SHROOM3: variants seen among roughly 807,000 people sequenced by gnomAD.
SHROOM3 encodes the protein protein Shroom3.
In SHROOM3, 47 loss-of-function variants were observed where a neutral mutation model predicts 138.6. That is an observed-to-expected ratio of 0.34 (90% confidence interval 0.27 to 0.43). The LOEUF is 0.43. Among genes scored for constraint, SHROOM3 ranks in the 20% least tolerant of loss-of-function variants. The pLI is 1.00. For synonymous variants in SHROOM3, 1,062 were observed against 1,063.3 expected (o/e 1.00, Z 0.02); for missense variants, 2,491 against 2,596.5 (o/e 0.96, Z 0.88).
At chr4:76,551,913 G>C (rs1288860955) in intron 1 of SHROOM3, among the ~76,000 whole-genome samples, 1 of 151,398 alleles carries the variant, frequency 6.6e-6, no homozygotes, top group East Asian at 2.0e-4. Flanking sequence ...CCAGGCTGGA[G>C]TGCAGTGGTG....
intron 9 of SHROOM3, among the ~76,000 whole-genome samples, chr4:76,765,634 G>A (rs184199561): frequency 1.3e-5 from 2 of 152,140 alleles, no homozygotes; most frequent in African/African-American, 2.4e-5. Flanking sequence ...GTAGAGTGAC[G>A]TTACTGGCGA....
chr4:76,626,005 CTT>C (rs1355715281), intron 2 of SHROOM3, among the ~76,000 whole-genome samples: 1 of 152,166 alleles, frequency 6.6e-6, no homozygotes, highest in East Asian at 1.9e-4. Context: ...CTCTCCTTAA[CTT>C]TTCGTTTATT....
At chr4:76,709,124 T>C (rs1269937440) in intron 2 of SHROOM3, among the ~76,000 whole-genome samples, 1 of 152,226 alleles carries the variant, frequency 6.6e-6, no homozygotes, top group Admixed American at 6.5e-5. Flanking sequence ...TTCACTTCCG[T>C]TCTGTGTTCC....
At chr4:76,692,351 C>T (rs546739830) in intron 2 of SHROOM3, among the ~76,000 whole-genome samples, 10 of 152,302 alleles carry the variant, frequency 6.6e-5, no homozygotes, top group Non-Finnish European at 1.2e-4. Context: ...CAGGAACTGG[C>T]GATGGGTTCC....
chr4:76,748,205 G>A (rs546185137), intron 5 of SHROOM3, among the ~76,000 whole-genome samples: 1 of 152,122 alleles, frequency 6.6e-6, no homozygotes, highest in Non-Finnish European at 1.5e-5. Context: ...GAGGAACGGG[G>A]TGAAGAGCAG....
chr4:76,540,229 G>C (rs34860313), intron 1 of SHROOM3, among the ~76,000 whole-genome samples: 11,756 of 152,236 alleles, frequency 0.077, 624 homozygotes, highest in East Asian at 0.16. Flanking sequence ...ATCTTCAGCA[G>C]GAGGGAGGCA....
chr4:76,556,110 A>G (rs958790566), intron 2 of SHROOM3, among the ~76,000 whole-genome samples: 1 of 152,210 alleles, frequency 6.6e-6, no homozygotes, highest in Admixed American at 6.5e-5. Context: ...TGGTGGGACT[A>G]GAGAAAGAAA....
chr4:76,683,170 G>A (rs190680049), intron 2 of SHROOM3, among the ~76,000 whole-genome samples: 4 of 152,210 alleles, frequency 2.6e-5, no homozygotes, highest in African/African-American at 7.2e-5. Flanking sequence ...TACAGTCAAC[G>A]TAGTTTTGCT....
chr4:76,651,454 T>C (rs1056984554), intron 2 of SHROOM3, among the ~76,000 whole-genome samples: 1 of 108,780 alleles, frequency 9.2e-6, no homozygotes, highest in South Asian at 2.7e-4. Context: ...ATACCTACTA[T>C]GTACCCACAA....
Position 76,759,792 on chromosome 4 carries a change from G to A in SHROOM3, c.5349+97G>A, listed in dbSNP as rs73826431. 4.2e-3 allele frequency: 6,056 copies of A among 1,429,144 alleles called. 222 individuals carry two copies. In the African/African-American group the frequency reaches 0.073, roughly 17 times the overall value. The allele number at this position is 1,429,144 out of a possible 1,614,324, so 88.5% of individuals were successfully genotyped here. A position where few individuals can be genotyped will look rare whatever the true frequency, so the allele number is the denominator to read the frequency against. Reference sequence around the variant, plus strand: ...GTGACTGGGCCTCTTGAGGCAGGTGGGGAAAGGACCTGTCACATCACCAGA... The same window carrying A: ...GTGACTGGGCCTCTTGAGGCAGGTGAGGAAAGGACCTGTCACATCACCAGA... On this transcript the variant is annotated intron_variant, in intron 9 of 10. Coordinates refer to ENST00000296043, the MANE Select transcript of SHROOM3 (RefSeq NM_020859.4).
intron 7 of SHROOM3, among the ~76,000 whole-genome samples, chr4:76,755,587 G>T (rs886669056): frequency 3.9e-5 from 6 of 152,174 alleles, no homozygotes; most frequent in African/African-American, 1.4e-4. Context: ...GCTTCAGATT[G>T]TAAGTGGGTC....
chr4:76,445,656 C>T (rs1398363066), intron 1 of SHROOM3, among the ~76,000 whole-genome samples: 2 of 152,116 alleles, frequency 1.3e-5, no homozygotes, highest in Non-Finnish European at 2.9e-5. Flanking sequence ...GAGGTCAGAT[C>T]ACATAAGGCC....
chr4:76,756,735 A>G lies in SHROOM3; in HGVS notation c.4996A>G (p.Ile1666Val). Residue 1666 changes from isoleucine (I) to valine (V), a missense_variant, in exon 8 of 11, where the codon ATC becomes GTC. Ile to Val is a conservative substitution (Grantham distance 29, BLOSUM62 3). Transcript: ENST00000296043. ...SPDPQKSSED[I>V]RTEALAKEIV... The stretch of plus-strand genomic sequence containing the variant: ...TGATCCTCAGAAGAGTTCAGAAGAC[A>G]TCAGAACAGAGGCTTTGGCCAAGGA... The G allele has an allele frequency of 1.2e-6, 2 of 1,614,232 alleles. No homozygotes were observed. The highest frequency in any genetic ancestry group is 1.7e-6 in the Non-Finnish European group (2 of 1,180,038).
At chr4:76,463,762 G>A (rs1731190547) in intron 1 of SHROOM3, among the ~76,000 whole-genome samples, 1 of 152,204 alleles carries the variant, frequency 6.6e-6, no homozygotes, top group African/African-American at 2.4e-5. Flanking sequence ...AATGGGGTCA[G>A]GGTACAGCTC....
rs564861138 is a variant in SHROOM3 at position 76,709,393 on chromosome 4, C to T, written c.324-763C>T. On this transcript the variant is annotated intron_variant, in intron 2 of 10. Coordinates refer to ENST00000296043, the MANE Select transcript of SHROOM3 (RefSeq NM_020859.4). ...TGATGCAGGGGACAGTCTGATGAGA[C>T]ATCAAGAGCACAGTCAGGATGCTTA... Among the ~76,000 whole-genome samples the T allele has an allele frequency of 2.0e-5, 3 of 152,334 alleles. No individual in the cohort carries two copies. In the South Asian group the frequency reaches 6.2e-4, roughly 32 times the overall value.
intron 2 of SHROOM3, among the ~76,000 whole-genome samples, chr4:76,610,036 CAAGGA>C (rs1734729506): frequency 6.6e-6 from 1 of 152,144 alleles, no homozygotes; most frequent in African/African-American, 2.4e-5. Context: ...GACTTTTCTG[CAAGGA>C]AAATGGATTG....
intron 4 of SHROOM3, among the ~76,000 whole-genome samples, chr4:76,736,152 T>C (rs546699609): frequency 6.6e-6 from 1 of 151,742 alleles, no homozygotes; most frequent in Non-Finnish European, 1.5e-5. Flanking sequence ...GCAGACTGGG[T>C]CATACAGGAT....
intron 2 of SHROOM3, among the ~76,000 whole-genome samples, chr4:76,705,298 C>T (rs1005448484): frequency 2.1e-5 from 3 of 146,306 alleles, no homozygotes; most frequent in Non-Finnish European, 4.5e-5. Flanking sequence ...AGTGAGACTC[C>T]GTCTCTACAA....
At position 76,606,007 on chromosome 4, in the gene SHROOM3, A is replaced by ATTTT. The variant is rs1164704632; in HGVS notation, c.323+50264_323+50267dup. Among the ~76,000 whole-genome samples, 118 of 77,834 alleles carry ATTTT rather than the reference A, an allele frequency of 1.5e-3. 2 individuals carry two copies. Among genetic ancestry groups the ATTTT allele is most frequent in the Non-Finnish European group, 2.2e-3 (94 of 41,984 alleles). 51.1% of individuals were successfully genotyped at this position (77,834 alleles called of 152,430 possible). A position where few individuals can be genotyped will look rare whatever the true frequency, so the allele number is the denominator to read the frequency against. On this transcript the variant is annotated intron_variant, in intron 2 of 10. Transcript: ENST00000296043. Reference sequence around the variant, plus strand: ...CACACACACATATATATATATATATATTTTTTTTTTTTTTTTTTTTTTTCT... The same window carrying ATTTT: ...CACACACACATATATATATATATATATTTTTTTTTTTTTTTTTTTTTTTTTTTCT...
Sources: allele counts gnomAD v4.1 joint callset (sites outside exome capture counted in the v4.1 genomes callset), GRCh38; gene constraint gnomAD v4.1.1; transcripts MANE v1.5; gene names NCBI Gene and HGNC (gene_info 2026-07-23, HGNC 2026-07-21).